The following MCM2 variants were observed in gnomAD, a reference collection of about 807,000 sequenced individuals.
The protein encoded by MCM2 is minichromosome maintenance complex component 2, also known as DNA replication licensing factor MCM2.
A neutral mutation model predicts 86.4 loss-of-function variants in MCM2; 49 were observed. The ratio of observed to expected loss-of-function variants is 0.57; its 90% CI spans 0.45 to 0.72. The LOEUF is 0.72. MCM2 is among the 30% of genes least tolerant of loss of function. MCM2 has a pLI of 0.00. For synonymous variants in MCM2, 475 were observed against 484.6 expected (o/e 0.98, Z 0.26); for missense variants, 1,038 against 1,259.9 (o/e 0.82, Z 2.67).
chr3:127,609,135 C>A, intron 8 of MCM2, 112 bp downstream of exon 8: 1 of 1,137,858 alleles, frequency 8.8e-7, no homozygotes, highest in Non-Finnish European at 1.3e-6. Flanking sequence ...CCTTATTCCC[C>A]TGGAGCTCAG....
chr3:127,598,943 C>A, intron 1 of MCM2: 1 of 356,814 alleles, frequency 2.8e-6, no homozygotes, highest in South Asian at 4.2e-5. Context: ...CCATCTCTAT[C>A]ACAATACCTT....
At position 127,606,791 on chromosome 3, in the gene MCM2, G is replaced by T. The variant is rs201802595; in HGVS notation, c.1075G>T (p.Gly359Cys). Residue 359 changes from glycine (G) to cysteine (C), a missense_variant, in exon 6 of 16, where the codon GGC (glycine) becomes TGC (cysteine). Gly to Cys is a radical substitution (Grantham distance 159). Transcript: ENST00000265056. The surrounding 1 kb of genome is among the most constrained non-coding windows in gnomAD (Gnocchi z 4.2). ...PGSCPECQSA[G>C]PFEVNMEETI... ...CTCCTGTCCTGAGTGCCAGTCGGCC[G>T]GCCCCTTTGAGGTCAACATGGAGGA... 6.2e-7 allele frequency: 1 copy of T among 1,614,216 alleles called. No individual in the cohort carries two copies. Among genetic ancestry groups the T allele is most frequent in the South Asian group, 1.1e-5 (1 of 91,086 alleles).
intron 1 of MCM2, chr3:127,598,890 C>T (rs2074280014): frequency 2.9e-6 from 1 of 344,810 alleles, no homozygotes. Flanking sequence ...CTGTCTGTTC[C>T]ACATCTGAGT....
chr3:127,599,366 C>G lies in MCM2; in HGVS notation c.55C>G (p.Arg19Gly). Residue 19 changes from arginine to glycine, a missense_variant, in exon 2 of 16, where the codon CGA becomes GGA. Arg to Gly is a moderately radical substitution (Grantham distance 125). Around this residue, in one of 4 missense-constraint regions of MCM2, gnomAD observed 300 missense variants for 307.4 expected, o/e 0.98. Coordinates refer to ENST00000265056, the MANE Select transcript of MCM2 (RefSeq NM_004526.4). ...TMASSPAQRR[R>G]GNDPLTSSPG... ...GGCATCCAGCCCGGCCCAGCGTCGG[C>G]GAGGCAATGATCCTCTCACCTCCAG... 2 of 1,614,152 alleles carry G rather than the reference C, an allele frequency of 1.2e-6. No individual in the cohort carries two copies. Among genetic ancestry groups the G allele is most frequent in the Non-Finnish European group, 1.7e-6 (2 of 1,180,034 alleles).
Position 127,615,922 on chromosome 3 carries a change from C to G in MCM2, c.1489C>G (p.Leu497Val). The change falls in exon 9 of 16, where the codon CTG (leucine) becomes GTG (valine). Residue 497 changes from leucine to valine, a missense_variant. By Grantham distance (32) the Leu-to-Val change is conservative. Around this residue, in one of 4 missense-constraint regions of MCM2, gnomAD observed 399 missense variants for 507.2 expected, o/e 0.79. Coordinates refer to ENST00000265056, the MANE Select transcript of MCM2 (RefSeq NM_004526.4). ...GHEDIKRGLA[L>V]ALFGGEPKNP... ...TGAAGACATCAAGAGAGGCCTGGCTCTGGCCCTGTTCGGAGGGGAGCCCAA... is the reference window on the plus strand; with the variant it reads ...TGAAGACATCAAGAGAGGCCTGGCTGTGGCCCTGTTCGGAGGGGAGCCCAA... The G allele has an allele frequency of 6.2e-7, 1 of 1,614,204 alleles. No individual in the cohort carries two copies. Among genetic ancestry groups the G allele is most frequent in the African/African-American group, 1.3e-5 (1 of 75,056 alleles).
chr3:127,601,500 A>G (rs775847389), intron 2 of MCM2, among the ~76,000 whole-genome samples: 4 of 152,174 alleles, frequency 2.6e-5, no homozygotes, highest in Non-Finnish European at 4.4e-5. Context: ...AGCTGGGATC[A>G]CAGACATTTG....
chr3:127,611,540 G>T (rs1365050961), intron 8 of MCM2, among the ~76,000 whole-genome samples: 1 of 152,088 alleles, frequency 6.6e-6, no homozygotes, highest in Non-Finnish European at 1.5e-5. Context: ...CCCAAATGGA[G>T]GCAGCCCTAC....
At position 127,617,087 on chromosome 3, in the gene MCM2, G is replaced by C. The variant is rs781626740; in HGVS notation, c.1742G>C (p.Arg581Pro). The change falls in exon 10 of 16, where the codon CGA (arginine) becomes CCA (proline). Residue 581 changes from arginine (R) to proline (P), a missense_variant. By Grantham distance (103) the Arg-to-Pro change is moderately radical. Transcript: ENST00000265056. The surrounding 1 kb of genome is among the most constrained non-coding windows in gnomAD (Gnocchi z 4.1). The stretch of plus-strand genomic sequence containing the variant: ...GCTGGGGCCCTGGTTCTGGCTGACC[G>C]AGGAGTGTGTCTCATTGATGAATTT... ...LEAGALVLAD[R>P]GVCLIDEFDK... The C allele has an allele frequency of 1.7e-5, 28 of 1,613,974 alleles. No individual in the cohort carries two copies. The highest frequency in any genetic ancestry group is 9.9e-5 in the South Asian group (9 of 91,070).
chr3:127,621,914 A>C lies in MCM2; in HGVS notation c.*141A>C. On this transcript the variant is annotated 3_prime_UTR_variant, in exon 16 of 16. Transcript: ENST00000265056. Reference sequence around the variant, plus strand: ...GGCTTATAGCAGGATGTCTGGCTGCACCTGGCATGACTGTTTGTTTCTCCA... The same window carrying C: ...GGCTTATAGCAGGATGTCTGGCTGCCCCTGGCATGACTGTTTGTTTCTCCA... 1.7e-6 allele frequency: 1 copy of C among 595,044 alleles called. No individual in the cohort carries two copies. The highest frequency in any genetic ancestry group is 2.1e-5 in the South Asian group (1 of 48,110). The allele number at this position is 595,044 out of a possible 1,614,324, so 36.9% of individuals were successfully genotyped here.
At position 127,602,369 on chromosome 3, in the gene MCM2, A is replaced by G. The variant is rs934425185; in HGVS notation, c.237-2239A>G. On this transcript the variant is annotated intron_variant, in intron 2 of 15. Transcript: ENST00000265056. ...GATTTGTTCTGACAGTAGTTTGACA[A>G]TGTTTATTGCAGAAAAATAGTAGCA... Among the ~76,000 whole-genome samples, 20 of 152,136 alleles carry G rather than the reference A, an allele frequency of 1.3e-4. 1 individual carries two copies. Among genetic ancestry groups the G allele is most frequent in the Admixed American group, 1.3e-4 (2 of 15,264 alleles).
chr3:127,603,576 C>T (rs996264154), intron 2 of MCM2, among the ~76,000 whole-genome samples: 1 of 152,236 alleles, frequency 6.6e-6, no homozygotes, highest in Non-Finnish European at 1.5e-5. Context: ...GCCTTGAACT[C>T]CTGCGCTCAA....
chr3:127,604,651 G>T lies in MCM2; in HGVS notation c.280G>T (p.Gly94Ter). Residue 94 changes from glycine (G) to a stop codon, truncating the protein, a stop_gained, in exon 3 of 16, where the codon GGA becomes TGA. Transcript: ENST00000265056. LOFTEE classifies it high-confidence loss of function. ...AGAGCTGGACGCCTATGAGGCCGAG[G>T]GACTGGCTCTGGATGATGAGGACGT... ...IPELDAYEAE[G>*]LALDDEDVEE... The T allele has an allele frequency of 6.2e-7, 1 of 1,613,270 alleles. No homozygotes were observed. Among genetic ancestry groups the T allele is most frequent in the Non-Finnish European group, 8.5e-7 (1 of 1,180,036 alleles).
At position 127,621,150 on chromosome 3, in the gene MCM2, G is replaced by T. The variant is rs141996483; in HGVS notation, c.2526G>T (p.Glu842Asp). 3.1e-6 allele frequency: 5 copies of T among 1,614,236 alleles called. No individual in the cohort carries two copies. The highest frequency in any genetic ancestry group is 4.2e-6 in the Non-Finnish European group (5 of 1,180,046). ...LLFILKQLVA[E>D]QVTYQRNRFG... is the part of the protein sequence containing the mutation. ...TCATACTGAAGCAGTTAGTGGCAGA[G>T]CAGGTGACATATCAGCGCAACCGCT... The change falls in exon 15 of 16, where the codon GAG (glutamate) becomes GAT (aspartate). Residue 842 changes from glutamate to aspartate, a missense_variant. By Grantham distance (45) the Glu-to-Asp change is conservative. Coordinates refer to ENST00000265056, the MANE Select transcript of MCM2 (RefSeq NM_004526.4).
chr3:127,604,181 T>C (rs2074327424), intron 2 of MCM2: 1 of 169,914 alleles, frequency 5.9e-6, no homozygotes, highest in South Asian at 1.6e-4. Context: ...AAAAGTCTTT[T>C]CAGTTTGAAA....
rs1280791302 is a variant in MCM2, at chr3:127,608,835, C to T, written c.1240C>T (p.Leu414=). The T allele has an allele frequency of 8.7e-6, 14 of 1,613,826 alleles. No homozygotes were observed. The African/African-American group carries it at 1.9e-4, about 22-fold the overall frequency. ...DSCKPGDEIE[L]TGIYHNNYDG... is the part of the protein sequence containing the mutation. ...CTTGGCCCCTCCCTTTCCCCAGGAG[C>T]TGACTGGCATCTATCACAACAACTA... The change falls in exon 8 of 16, where the codon CTG becomes TTG. Residue 414 remains leucine, a synonymous_variant. Coordinates refer to ENST00000265056, the MANE Select transcript of MCM2 (RefSeq NM_004526.4).
chr3:127,617,157 G>T lies in MCM2; in HGVS notation c.1773+39G>T, dbSNP rs567761231. On this transcript the variant is annotated intron_variant, in intron 10 of 15. Transcript: ENST00000265056. This position sits in a 1 kb window ranked among gnomAD's most constrained non-coding sequence, Gnocchi z 4.1. ...TCACGGAGGCTGGTGGAACTCAGGG[G>T]GTGTGTGTGGGCTTGGGCCTTAGCG... is the stretch of plus-strand genomic sequence containing the variant. 1.2e-6 allele frequency: 2 copies of T among 1,607,736 alleles called. No homozygotes were observed. The highest frequency in any genetic ancestry group is 1.3e-5 in the African/African-American group (1 of 74,890).
At chr3:127,615,763 T>G in intron 8 of MCM2, 99 bp from the exon 9 acceptor site, 7 of 830,330 alleles carry the variant, frequency 8.4e-6, no homozygotes, top group South Asian at 1.4e-5. Flanking sequence ...TGGGTGTCTT[T>G]GAGCTGGGGA....
At chr3:127,601,928 TG>T (rs1345846049) in intron 2 of MCM2, among the ~76,000 whole-genome samples, 5 of 152,234 alleles carry the variant, frequency 3.3e-5, no homozygotes, top group African/African-American at 1.2e-4. Flanking sequence ...TCTTTTCGTA[TG>T]CTTGATTGGC....
At chr3:127,601,367 G>C (rs571533036) in intron 2 of MCM2, among the ~76,000 whole-genome samples, 1 of 151,974 alleles carries the variant, frequency 6.6e-6, no homozygotes, top group Non-Finnish European at 1.5e-5. Context: ...TTTTTTGTTT[G>C]TTTGTTTGTT....
Sources: gnomAD v4.1 joint callset for allele counts (sites outside exome capture counted in the v4.1 genomes callset) on GRCh38, gnomAD v4.1.1 for gene constraint, gnomAD v4.1.1 regional missense constraint, Gnocchi (gnomAD v3.1) non-coding constraint, MANE v1.5 for transcripts, NCBI Gene and HGNC (gene_info 2026-07-23, HGNC 2026-07-21) for gene names.